SIPA1L1: variants seen among roughly 807,000 people sequenced by gnomAD.
The protein encoded by SIPA1L1 is signal-induced proliferation-associated 1-like protein 1.
SIPA1L1 carries 26 observed loss-of-function variants against 162.7 expected under a neutral mutation model. The ratio of observed to expected loss-of-function variants is 0.16; its 90% CI spans 0.12 to 0.22. The LOEUF is 0.22. Ranked by LOEUF, SIPA1L1 falls within the 10% of genes least tolerant of loss-of-function variation. SIPA1L1 has a pLI of 1.00. For missense variants in SIPA1L1, 1,874 were observed against 2,241.0 expected, an observed-to-expected ratio of 0.84 and a Z score of 3.31; for synonymous variants, 829 against 837.4, an observed-to-expected ratio of 0.99 and a Z score of 0.17.
chr14:71,393,848 A>T (rs988915280), intron 2 of SIPA1L1, among the ~76,000 whole-genome samples: 7 of 152,226 alleles, frequency 4.6e-5, no homozygotes, highest in African/African-American at 1.7e-4. Context: ...ATAGCTTCGT[A>T]GTTCAGGTAA....
intron 4 of SIPA1L1, among the ~76,000 whole-genome samples, chr14:71,579,106 G>A (rs982402274): frequency 1.3e-5 from 2 of 152,082 alleles, no homozygotes; most frequent in African/African-American, 2.4e-5. Context: ...TGAATATTAC[G>A]TCTTTACATT....
At chr14:71,695,761 A>G (rs889991538) in intron 13 of SIPA1L1, among the ~76,000 whole-genome samples, 1 of 152,204 alleles carries the variant, frequency 6.6e-6, no homozygotes, top group Admixed American at 6.5e-5. Context: ...TGCAGTAAGA[A>G]AGTCAAAGCA....
At chr14:71,605,954 G>A (rs1419986760) in intron 5 of SIPA1L1, among the ~76,000 whole-genome samples, 5 of 152,196 alleles carry the variant, frequency 3.3e-5, no homozygotes, top group African/African-American at 1.2e-4. Context: ...AGCAGTAACA[G>A]TAGTGGGATG....
chr14:71,345,422 A>C (rs2036057712), intron 2 of SIPA1L1, among the ~76,000 whole-genome samples: 1 of 152,166 alleles, frequency 6.6e-6, no homozygotes, highest in South Asian at 2.1e-4. Flanking sequence ...TAGACAAGTA[A>C]CAGAAAGTTA....
chr14:71,348,653 G>A (rs771808466), intron 2 of SIPA1L1, among the ~76,000 whole-genome samples: 1 of 152,186 alleles, frequency 6.6e-6, no homozygotes, highest in Admixed American at 6.5e-5. Flanking sequence ...TTATTAAAGT[G>A]TATGCAAATT....
At chr14:71,406,701 A>C (rs2042049780) in intron 2 of SIPA1L1, among the ~76,000 whole-genome samples, 1 of 152,152 alleles carries the variant, frequency 6.6e-6, no homozygotes, top group Admixed American at 6.5e-5. Flanking sequence ...TTTGAAGTTG[A>C]AGTAATATAT....
chr14:71,333,286 T>A (rs11158906), intron 2 of SIPA1L1, among the ~76,000 whole-genome samples: 182 of 152,284 alleles, frequency 1.2e-3, no homozygotes, highest in Non-Finnish European at 1.3e-3. Context: ...AATGGTAACA[T>A]CATGTCACTG....
intron 8 of SIPA1L1, among the ~76,000 whole-genome samples, chr14:71,653,903 G>A (rs2042843071): frequency 6.6e-6 from 1 of 152,132 alleles, no homozygotes; most frequent in African/African-American, 2.4e-5. Flanking sequence ...AAGTAGAATA[G>A]ATCCCAGTAG....
chr14:71,688,960 C>T (rs745988889), intron 13 of SIPA1L1, among the ~76,000 whole-genome samples: 7 of 152,184 alleles, frequency 4.6e-5, no homozygotes, highest in Non-Finnish European at 8.8e-5. Context: ...TCTACTCCTC[C>T]AGTGCTCCCC....
rs144589083 is a variant in SIPA1L1, at chr14:71,671,492, C to G, written c.2629C>G (p.Leu877Val). ...CAACAAGGCCATGGAACTAGACTGC[C>G]TTTTAGGGATCTCCAATGAGTTCAT... ...DYNKAMELDC[L>V]LGISNEFIVL... Residue 877 changes from leucine to valine, a missense_variant, in exon 11 of 24, where the codon CTT (leucine) becomes GTT (valine). Leu to Val is a conservative substitution (Grantham distance 32). This residue lies in a region of SIPA1L1 where 243 missense variants were observed against 315.0 expected (regional missense o/e 0.77). Coordinates refer to ENST00000381232, the MANE Select transcript of SIPA1L1 (RefSeq NM_001386936.1). 60 of 1,614,100 alleles carry G rather than the reference C, an allele frequency of 3.7e-5. No homozygotes were observed. In the African/African-American group the frequency reaches 5.7e-4, roughly 15 times the overall value.
At chr14:71,496,525 A>G (rs1282982139) in intron 2 of SIPA1L1, among the ~76,000 whole-genome samples, 2 of 152,208 alleles carry the variant, frequency 1.3e-5, no homozygotes, top group East Asian at 1.9e-4. Context: ...GTTTTGTGAC[A>G]TTGCAAATGG....
At chr14:71,700,331 T>G (rs1480745283) in intron 14 of SIPA1L1, among the ~76,000 whole-genome samples, 1 of 152,114 alleles carries the variant, frequency 6.6e-6, no homozygotes, top group South Asian at 2.1e-4. Context: ...GCTGGGAATT[T>G]GAGTCCAGCC....
At chr14:71,634,890 C>T (rs1456391099) in intron 7 of SIPA1L1, among the ~76,000 whole-genome samples, 8 of 151,212 alleles carry the variant, frequency 5.3e-5, no homozygotes, top group African/African-American at 1.2e-4. Context: ...GAGCAGAGAT[C>T]GTGCCACTGC....
At chr14:71,381,331 C>T (rs1359712299) in intron 2 of SIPA1L1, among the ~76,000 whole-genome samples, 3 of 152,172 alleles carry the variant, frequency 2.0e-5, no homozygotes, top group Non-Finnish European at 4.4e-5. Flanking sequence ...GGATTACAGG[C>T]ATGAGCCACC....
chr14:71,563,472 A>C (rs2056952174), intron 4 of SIPA1L1, among the ~76,000 whole-genome samples: 1 of 152,182 alleles, frequency 6.6e-6, no homozygotes, highest in African/African-American at 2.4e-5. Flanking sequence ...TATATTACTA[A>C]GGTGTTTTTT....
intron 7 of SIPA1L1, among the ~76,000 whole-genome samples, chr14:71,629,605 A>T (rs1022644735): frequency 6.6e-6 from 1 of 152,236 alleles, no homozygotes; most frequent in African/African-American, 2.4e-5. Flanking sequence ...TTTAAGGTAC[A>T]GTTGCTAGTT....
intron 2 of SIPA1L1, among the ~76,000 whole-genome samples, chr14:71,368,214 G>T (rs2038545853): frequency 7.3e-6 from 1 of 137,580 alleles, no homozygotes. Flanking sequence ...CATTGTGCAG[G>T]TTAGTTACAT....
intron 2 of SIPA1L1, among the ~76,000 whole-genome samples, chr14:71,374,181 A>AT (rs2039159658): frequency 6.6e-6 from 1 of 152,084 alleles, no homozygotes; most frequent in Admixed American, 6.5e-5. Flanking sequence ...TTTTGACAAA[A>AT]TTTTTTTACT....
At chr14:71,411,291 C>G (rs1184127299) in intron 2 of SIPA1L1, among the ~76,000 whole-genome samples, 1 of 152,142 alleles carries the variant, frequency 6.6e-6, no homozygotes, top group South Asian at 2.1e-4. Flanking sequence ...TAAAGACTTA[C>G]TTAAATCTAG....
Sources: allele counts gnomAD v4.1 joint callset (sites outside exome capture counted in the v4.1 genomes callset), GRCh38; gene constraint gnomAD v4.1.1; regional missense constraint gnomAD v4.1.1; transcripts MANE v1.5; gene names NCBI Gene and HGNC (gene_info 2026-07-23, HGNC 2026-07-21).